CACNB2: variants seen among roughly 807,000 people sequenced by gnomAD.
CACNB2 encodes the protein calcium voltage-gated channel auxiliary subunit beta 2, also known as voltage-dependent L-type calcium channel subunit beta-2.
In CACNB2, 42 loss-of-function variants were observed where a neutral mutation model predicts 73.3. The ratio of observed to expected loss-of-function variants is 0.57; its 90% CI spans 0.45 to 0.74. The LOEUF (loss-of-function observed/expected upper bound fraction) is 0.74. Among genes scored for constraint, CACNB2 ranks in the 30% least tolerant of loss-of-function variants. The pLI is 0.00. For synonymous variants in CACNB2, 348 were observed against 310.3 expected (o/e 1.12, Z -1.28); for missense variants, 940 against 853.0 (o/e 1.10, Z -1.27).
At chr10:18,298,197 C>T (rs552593415) in intron 2 of CACNB2, among the ~76,000 whole-genome samples, 72 of 152,068 alleles carry the variant, frequency 4.7e-4, no homozygotes, top group Non-Finnish European at 8.7e-4. Flanking sequence ...GGCAAAACCC[C>T]ATCTCTACTA....
intron 2 of CACNB2, among the ~76,000 whole-genome samples, chr10:18,354,974 G>A (rs965776472): frequency 2.5e-4 from 38 of 151,936 alleles, no homozygotes; most frequent in Admixed American, 1.4e-3. Context: ...ATGGTTCAAC[G>A]TACACAAACT....
At chr10:18,489,196 G>A (rs2049259870) in intron 3 of CACNB2, among the ~76,000 whole-genome samples, 1 of 151,818 alleles carries the variant, frequency 6.6e-6, no homozygotes, top group East Asian at 1.9e-4. Context: ...TCCAGCCTGG[G>A]TGACAGAGCG....
At chr10:18,327,729 CCA>C in intron 2 of CACNB2, among the ~76,000 whole-genome samples, 1 of 152,116 alleles carries the variant, frequency 6.6e-6, no homozygotes. Context: ...ACGCCCAGCC[CCA>C]GTCATGTTTT....
intron 3 of CACNB2, among the ~76,000 whole-genome samples, chr10:18,493,682 GC>G (rs2049602633): frequency 6.6e-6 from 1 of 152,096 alleles, no homozygotes; most frequent in African/African-American, 2.4e-5. Context: ...ATTTGCCCAG[GC>G]CACTCACCTA....
At chr10:18,312,383 A>G (rs982063360) in intron 2 of CACNB2, among the ~76,000 whole-genome samples, 2 of 152,240 alleles carry the variant, frequency 1.3e-5, no homozygotes, top group Non-Finnish European at 1.5e-5. Flanking sequence ...TTGTTTAGTC[A>G]TTGAAATAGC....
chr10:18,468,456 A>G (rs1199010400), intron 3 of CACNB2, among the ~76,000 whole-genome samples: 2 of 152,116 alleles, frequency 1.3e-5, no homozygotes, highest in African/African-American at 2.4e-5. Flanking sequence ...CCTGTCTCAA[A>G]CAACAACAAC....
In CACNB2 at chr10:18,212,823, C is replaced by T. The variant is rs900017424; in HGVS notation, c.213+61848C>T. On this transcript the variant is annotated intron_variant, in intron 2 of 13. Coordinates refer to ENST00000324631, the MANE Select transcript of CACNB2 (RefSeq NM_201596.3). ...AACGTAAAACCTGGAATCCCCCCTT[C>T]TGCCCATAAAACAATTACAAATCAC... Among the ~76,000 whole-genome samples, 4 of 152,298 alleles carry T rather than the reference C, an allele frequency of 2.6e-5. No individual in the cohort carries two copies. In the East Asian group the frequency reaches 7.7e-4, roughly 29 times the overall value.
At chr10:18,362,068 A>G (rs1564469258) in intron 2 of CACNB2, among the ~76,000 whole-genome samples, 2 of 152,148 alleles carry the variant, frequency 1.3e-5, no homozygotes, top group African/African-American at 2.4e-5. Context: ...GGCTCAAGCA[A>G]TCCTCCTGCC....
intron 2 of CACNB2, among the ~76,000 whole-genome samples, chr10:18,311,557 G>T (rs1256382627): frequency 6.6e-6 from 1 of 152,122 alleles, no homozygotes; most frequent in Non-Finnish European, 1.5e-5. Context: ...TATGTACTAT[G>T]TACTGTATTC....
chr10:18,536,243 C>A, intron 12 of CACNB2, 47 bp downstream of exon 12: 5 of 280,936 alleles, frequency 1.8e-5, no homozygotes, highest in African/African-American at 6.7e-5. Flanking sequence ...GAGATCAGAC[C>A]TTTTTTTTTT....
intron 2 of CACNB2, among the ~76,000 whole-genome samples, chr10:18,314,038 C>T (rs1377734637): frequency 4.6e-5 from 7 of 152,340 alleles, no homozygotes; most frequent in African/African-American, 1.7e-4. Flanking sequence ...AAATTAATCA[C>T]ACAGTAACTT....
chr10:18,359,379 C>A lies in CACNB2; in HGVS notation c.214-42545C>A, dbSNP rs140185842. 6.8e-4 allele frequency among the ~76,000 whole-genome samples: 104 copies of A among 152,262 alleles called. No individual in the cohort carries two copies. In the East Asian group the frequency reaches 0.019, roughly 28 times the overall value. On this transcript the variant is annotated intron_variant, in intron 2 of 13. Coordinates refer to ENST00000324631, the MANE Select transcript of CACNB2 (RefSeq NM_201596.3). The stretch of plus-strand genomic sequence containing the variant: ...CTCTGCCTCCCAGGTTCAAGTGATT[C>A]TCCCACCTCAGCCTCCAGAGTAGCT...
intron 3 of CACNB2, among the ~76,000 whole-genome samples, chr10:18,426,446 A>T (rs2045603361): frequency 6.6e-6 from 1 of 152,228 alleles, no homozygotes; most frequent in African/African-American, 2.4e-5. Context: ...CTTTGTATTT[A>T]TCAGTCTTTC....
intron 2 of CACNB2, chr10:18,206,245 G>C (rs2035087006): frequency 6.6e-6 from 1 of 152,438 alleles, no homozygotes; most frequent in African/African-American, 2.4e-5. Flanking sequence ...ACCCGCCTCA[G>C]CTTCCCAAAG....
intron 2 of CACNB2, among the ~76,000 whole-genome samples, chr10:18,155,840 A>G (rs1222114533): frequency 6.6e-6 from 1 of 151,558 alleles, no homozygotes; most frequent in Non-Finnish European, 1.5e-5. Flanking sequence ...CCTAGGGAAC[A>G]TCTAGAGAAC....
intron 2 of CACNB2, among the ~76,000 whole-genome samples, chr10:18,279,212 C>G (rs2038432688): frequency 2.6e-5 from 4 of 152,150 alleles, no homozygotes; most frequent in Admixed American, 2.6e-4. Context: ...ACAAATGGTT[C>G]TTTTCTTCCT....
At chr10:18,165,919 G>C (rs541243634) in intron 2 of CACNB2, among the ~76,000 whole-genome samples, 3 of 152,282 alleles carry the variant, frequency 2.0e-5, no homozygotes, top group Non-Finnish European at 4.4e-5. Context: ...ATGGTTTGAA[G>C]AGTTGTAAGT....
At chr10:18,207,226 C>G (rs2035132209) in intron 2 of CACNB2, among the ~76,000 whole-genome samples, 1 of 152,160 alleles carries the variant, frequency 6.6e-6, no homozygotes, top group Non-Finnish European at 1.5e-5. Context: ...CCAAGCTGGT[C>G]TTGAACTCTT....
At chr10:18,443,024 A>ATATATATGTATATATATATATG (rs2046549898) in intron 3 of CACNB2, among the ~76,000 whole-genome samples, 1 of 99,076 alleles carries the variant, frequency 1.0e-5, no homozygotes, top group Non-Finnish European at 2.0e-5. Context: ...GTATATATAT[A>ATATATATGTATATATATATATG]TATATATATA....
Sources: gnomAD v4.1 joint callset for allele counts (sites outside exome capture counted in the v4.1 genomes callset) on GRCh38, gnomAD v4.1.1 for gene constraint, MANE v1.5 for transcripts, NCBI Gene and HGNC (gene_info 2026-07-23, HGNC 2026-07-21) for gene names.